Variants in IRAK3 observed in about 807,000 individuals in gnomAD.
The protein encoded by IRAK3 is interleukin 1 receptor associated kinase 3.
In IRAK3, 57 loss-of-function variants were observed where a neutral mutation model predicts 56.6. The observed-to-expected ratio is 1.01, with a 90% CI of 0.81 to 1.26. The LOEUF is 1.26. IRAK3 is among the 50% of genes most tolerant of loss of function. The pLI is 0.00. For missense variants in IRAK3, 703 were observed against 719.0 expected, an observed-to-expected ratio of 0.98 and a Z score of 0.25; for synonymous variants, 258 against 255.7, an observed-to-expected ratio of 1.01 and a Z score of -0.09.
At position 66,244,547 on chromosome 12, in the gene IRAK3, T is replaced by C; in HGVS notation, c.949T>C (p.Phe317Leu). Residue 317 changes from phenylalanine to leucine, a missense_variant, in exon 9 of 12, where the codon TTC (phenylalanine) becomes CTC (leucine). Physicochemically the swap from Phe to Leu is conservative, Grantham distance 22. Coordinates refer to ENST00000261233, the MANE Select transcript of IRAK3 (RefSeq NM_007199.3). The stretch of plus-strand genomic sequence containing the variant: ...ACTAACTGATTTTGCCATGGCACAC[T>C]TCCGGTCCCACCTAGAACATCAGAG... ...PKLTDFAMAH[F>L]RSHLEHQSCT... 6.2e-7 allele frequency: 1 copy of C among 1,614,112 alleles called. No homozygotes were observed. The highest frequency in any genetic ancestry group is 8.5e-7 in the Non-Finnish European group (1 of 1,179,982).
At position 66,248,869 on chromosome 12, in the gene IRAK3, A is replaced by G. The variant is rs998831803; in HGVS notation, c.*698A>G. 1 of 152,200 alleles carries G rather than the reference A, an allele frequency of 6.6e-6. No individual in the cohort carries two copies. The highest frequency in any genetic ancestry group is 1.5e-5 in the Non-Finnish European group (1 of 68,054). The allele number at this position is 152,200 out of a possible 1,614,324, so 9.4% of individuals were successfully genotyped here. The stretch of plus-strand genomic sequence containing the variant: ...TGACCTATTATATCTTAAGGAGACT[A>G]TGTGAAATGTCCATCAAGTAATTTT... On this transcript the variant is annotated 3_prime_UTR_variant, in exon 12 of 12. Coordinates refer to ENST00000261233, the MANE Select transcript of IRAK3 (RefSeq NM_007199.3).
chr12:66,192,286 G>T (rs577124068), intron 1 of IRAK3, among the ~76,000 whole-genome samples: 2 of 152,116 alleles, frequency 1.3e-5, no homozygotes, highest in South Asian at 4.2e-4. Flanking sequence ...AATCACTTTT[G>T]TCAAGTATTG....
In IRAK3 at chr12:66,253,278, T is replaced by C. The variant is rs2053118496; in HGVS notation, c.*5107T>C. ...AAGCTACTAATTTTAAATACTAATA[T>C]CTGAGATATCTTCGAAAAGAAGATT... On this transcript the variant is annotated 3_prime_UTR_variant, in exon 12 of 12. Coordinates refer to ENST00000261233, the MANE Select transcript of IRAK3 (RefSeq NM_007199.3). 1 of 152,218 alleles carries C rather than the reference T, an allele frequency of 6.6e-6. No individual in the cohort carries two copies. The highest frequency in any genetic ancestry group is 1.5e-5 in the Non-Finnish European group (1 of 68,036). The allele number at this position is 152,218 out of a possible 1,614,324, so 9.4% of individuals were successfully genotyped here.
intron 6 of IRAK3, among the ~76,000 whole-genome samples, chr12:66,217,592 A>G (rs1592588038): frequency 6.6e-6 from 1 of 152,180 alleles, no homozygotes; most frequent in South Asian, 2.1e-4. Flanking sequence ...CATCAGTATA[A>G]CTCTATTCAG....
chr12:66,224,502 C>T (rs2052766454), intron 6 of IRAK3, among the ~76,000 whole-genome samples: 1 of 152,104 alleles, frequency 6.6e-6, no homozygotes. Flanking sequence ...AAGCTGAGAC[C>T]TGAAGGATGA....
intron 1 of IRAK3, among the ~76,000 whole-genome samples, chr12:66,194,626 G>A (rs1293135467): frequency 6.6e-6 from 1 of 151,940 alleles, no homozygotes; most frequent in African/African-American, 2.4e-5. Context: ...TCAGGAGTCC[G>A]AGACCAGCCT....
chr12:66,244,135 T>A (rs2053001794), intron 8 of IRAK3, among the ~76,000 whole-genome samples: 1 of 152,214 alleles, frequency 6.6e-6, no homozygotes, highest in Admixed American at 6.5e-5. Context: ...TAAAACTCAG[T>A]TCATGTTCTC....
intron 5 of IRAK3, among the ~76,000 whole-genome samples, chr12:66,215,789 CACACACA>C (rs1383038680): frequency 9.0e-4 from 25 of 27,808 alleles, no homozygotes; most frequent in African/African-American, 3.2e-3. Flanking sequence ...CCAACATGCA[CACACACA>C]CACACACACA....
intron 1 of IRAK3, among the ~76,000 whole-genome samples, chr12:66,193,395 C>G (rs1011103700): frequency 6.6e-6 from 1 of 152,130 alleles, no homozygotes; most frequent in African/African-American, 2.4e-5. Flanking sequence ...ACTCTACATC[C>G]TTAGTACACT....
At chr12:66,226,975 A>T in intron 7 of IRAK3, 138 bp downstream of exon 7, 1 of 691,206 alleles carries the variant, frequency 1.4e-6, no homozygotes, top group Non-Finnish European at 2.7e-6. Flanking sequence ...CCAAGGAAGC[A>T]GTACTTCTTG....
At position 66,248,365 on chromosome 12, in the gene IRAK3, G is replaced by A. The variant is rs1592607086; in HGVS notation, c.*194G>A. 3.2e-5 allele frequency: 17 copies of A among 524,202 alleles called. No individual in the cohort carries two copies. The East Asian group carries it at 4.8e-4, about 15-fold the overall frequency. The allele number at this position is 524,202 out of a possible 1,614,324, so 32.5% of individuals were successfully genotyped here. A position where few individuals can be genotyped will look rare whatever the true frequency, so the allele number is the denominator to read the frequency against. On this transcript the variant is annotated 3_prime_UTR_variant, in exon 12 of 12. Coordinates refer to ENST00000261233, the MANE Select transcript of IRAK3 (RefSeq NM_007199.3). Reference sequence around the variant, plus strand: ...CTCAAACAGAGTGCCTTAAAAAATTGTTTTATCAGGATAATTGTCTCATGA... The same window carrying A: ...CTCAAACAGAGTGCCTTAAAAAATTATTTTATCAGGATAATTGTCTCATGA...
intron 8 of IRAK3, among the ~76,000 whole-genome samples, chr12:66,242,043 G>A (rs1000333745): frequency 6.6e-6 from 1 of 152,020 alleles, no homozygotes; most frequent in South Asian, 2.1e-4. Flanking sequence ...CATGATTCTG[G>A]CATTGTCAAT....
At chr12:66,242,776 C>G (rs1022619027) in intron 8 of IRAK3, among the ~76,000 whole-genome samples, 2 of 152,212 alleles carry the variant, frequency 1.3e-5, no homozygotes, top group African/African-American at 4.8e-5. Flanking sequence ...TGTCTTTATC[C>G]TTAAAAGACC....
intron 5 of IRAK3, among the ~76,000 whole-genome samples, chr12:66,215,255 C>G (rs2052658001): frequency 6.6e-6 from 1 of 152,184 alleles, no homozygotes; most frequent in Non-Finnish European, 1.5e-5. Flanking sequence ...AGGGTCCGTC[C>G]AGTCTACTTT....
chr12:66,205,261 G>A (rs541771988), intron 2 of IRAK3, among the ~76,000 whole-genome samples: 1 of 152,250 alleles, frequency 6.6e-6, no homozygotes, highest in African/African-American at 2.4e-5. Flanking sequence ...ACTGTAAGTA[G>A]ACAAAAATTC....
chr12:66,197,310 A>G, intron 1 of IRAK3: 2 of 1,060,360 alleles, frequency 1.9e-6, no homozygotes, highest in Non-Finnish European at 2.3e-6. Flanking sequence ...ACTGCGAGTA[A>G]ACAAAGTCCT....
rs201109976 is a variant in IRAK3 at position 66,203,743 on chromosome 12, C to T, written c.166C>T (p.Arg56Cys). 1.4e-4 allele frequency: 229 copies of T among 1,613,958 alleles called. 1 individual carries two copies. Among genetic ancestry groups the T allele is most frequent in the Admixed American group, 1.7e-4 (10 of 59,978 alleles). ...ERLSSSWLDV[R>C]HIEKYVDQGK... ...ACTTTCAAGCAGCTGGCTGGATGTT[C>T]GTCATATTGAAAAGTATGTAGACCA... Residue 56 changes from arginine (R) to cysteine (C), a missense_variant, in exon 2 of 12, where the codon CGT becomes TGT. Transcript: ENST00000261233.
At chr12:66,230,222 C>G (rs1451314264) in intron 8 of IRAK3, among the ~76,000 whole-genome samples, 1 of 152,132 alleles carries the variant, frequency 6.6e-6, no homozygotes, top group Non-Finnish European at 1.5e-5. Context: ...GGCTTTGGGC[C>G]CTCATTTCCA....
intron 1 of IRAK3, chr12:66,196,792 T>G: frequency 7.5e-7 from 1 of 1,331,554 alleles, no homozygotes; most frequent in Non-Finnish European, 9.9e-7. Context: ...TAAAAATGTC[T>G]TTAACCTTAA....
Sources: allele counts gnomAD v4.1 joint callset (sites outside exome capture counted in the v4.1 genomes callset), GRCh38; gene constraint gnomAD v4.1.1; transcripts MANE v1.5; gene names NCBI Gene and HGNC (gene_info 2026-07-23, HGNC 2026-07-21).